KIAA1217: variants seen among roughly 807,000 people sequenced by gnomAD.
The protein encoded by KIAA1217 is sickle tail protein homolog.
In KIAA1217, 88 loss-of-function variants were observed where a neutral mutation model predicts 163.9. The observed-to-expected ratio is 0.54, with a 90% CI of 0.45 to 0.64. The LOEUF (loss-of-function observed/expected upper bound fraction) is 0.64, where lower values mean the gene tolerates loss of function less well. Ranked by LOEUF, KIAA1217 falls within the 30% of genes least tolerant of loss-of-function variation. The pLI, the probability that KIAA1217 is intolerant of heterozygous loss-of-function variation, is 0.00. For synonymous variants in KIAA1217, 903 were observed against 923.1 expected, an observed-to-expected ratio of 0.98 and a Z score of 0.39; for missense variants, 2,372 against 2,475.0, an observed-to-expected ratio of 0.96 and a Z score of 0.88.
At chr10:23,752,896 A>T (rs953660851) in intron 1 of KIAA1217, among the ~76,000 whole-genome samples, 1 of 152,180 alleles carries the variant, frequency 6.6e-6, no homozygotes, top group Admixed American at 6.5e-5. Flanking sequence ...AATTTATCAC[A>T]TTTAAGCTCT....
At chr10:23,901,309 T>G (rs1841945675) in intron 1 of KIAA1217, among the ~76,000 whole-genome samples, 1 of 152,102 alleles carries the variant, frequency 6.6e-6, no homozygotes, top group Non-Finnish European at 1.5e-5. Context: ...GTCTTAACCA[T>G]TTTTGTGTTA....
intron 20 of KIAA1217, chr10:24,545,604 A>C (rs2075652543): frequency 1.4e-6 from 2 of 1,382,202 alleles, no homozygotes; most frequent in South Asian, 3.8e-5. Context: ...CCTCTCACAA[A>C]TGTATTCTTC....
intron 1 of KIAA1217, among the ~76,000 whole-genome samples, chr10:23,830,953 T>C (rs962506777): frequency 2.6e-5 from 4 of 151,996 alleles, no homozygotes; most frequent in Non-Finnish European, 5.9e-5. Flanking sequence ...CCACAGGTAT[T>C]GAGTATGACA....
chr10:23,813,555 A>G (rs1319502530), intron 1 of KIAA1217, among the ~76,000 whole-genome samples: 1 of 152,154 alleles, frequency 6.6e-6, no homozygotes, highest in African/African-American at 2.4e-5. Flanking sequence ...AAATATTTGG[A>G]AAATATTTAT....
At chr10:23,979,062 C>T (rs1195860009) in intron 1 of KIAA1217, among the ~76,000 whole-genome samples, 1 of 152,164 alleles carries the variant, frequency 6.6e-6, no homozygotes, top group East Asian at 1.9e-4. Flanking sequence ...GTAAGGAATA[C>T]TGCAACTGAG....
chr10:24,207,280 T>TCACACA (rs1218257115), upstream of KIAA1217, among the ~76,000 whole-genome samples: 10 of 98,832 alleles, frequency 1.0e-4, no homozygotes, highest in African/African-American at 5.6e-4. Context: ...TCTCTCTCTC[T>TCACACA]CTCACACACA....
chr10:23,837,835 A>G lies in KIAA1217; in HGVS notation c.-321+142601A>G, dbSNP rs538914832. 1.1e-4 allele frequency among the ~76,000 whole-genome samples: 17 copies of G among 152,058 alleles called. No homozygotes were observed. The South Asian group carries it at 3.5e-3, about 32-fold the overall frequency. Reference sequence around the variant, plus strand: ...GGATTGCAGGCATAAGCCACCACATATGGCCAATTATTTTTAATGTACTGG... The same window carrying G: ...GGATTGCAGGCATAAGCCACCACATGTGGCCAATTATTTTTAATGTACTGG... On this transcript the variant is annotated intron_variant, in intron 1 of 18. Coordinates refer to the KIAA1217 transcript ENST00000376462.
chr10:24,315,940 A>G (rs55751498), intron 2 of KIAA1217, among the ~76,000 whole-genome samples: 12 of 139,996 alleles, frequency 8.6e-5, no homozygotes, highest in Non-Finnish European at 1.4e-4. Context: ...GGGGGGGGGG[A>G]ATCCAAGGAG....
At chr10:23,828,847 T>G (rs1838033222) in intron 1 of KIAA1217, among the ~76,000 whole-genome samples, 3 of 152,194 alleles carry the variant, frequency 2.0e-5, no homozygotes, top group Non-Finnish European at 4.4e-5. Flanking sequence ...GGAATGAGGC[T>G]TTTTCTTAAA....
Position 23,698,786 on chromosome 10 carries a change from A to G in KIAA1217, c.-321+3552A>G, listed in dbSNP as rs371048407. Among the ~76,000 whole-genome samples the G allele has an allele frequency of 4.0e-5, 6 of 151,088 alleles. No homozygotes were observed. The East Asian group carries it at 9.8e-4, about 25-fold the overall frequency. ...GGCAGTCTAACGGATCGGCTATCCT[A>G]TTTTTTTTTCCTTTTTGAGACAGGG... On this transcript the variant is annotated intron_variant, in intron 1 of 18. Transcript: ENST00000376462.
At chr10:24,445,921 G>C (rs1288788095) in intron 5 of KIAA1217, among the ~76,000 whole-genome samples, 1 of 152,098 alleles carries the variant, frequency 6.6e-6, no homozygotes, top group Non-Finnish European at 1.5e-5. Context: ...GGGTCAAATG[G>C]TATTTCTAGT....
chr10:23,956,118 T>G lies in KIAA1217; in HGVS notation c.-320-51107T>G, dbSNP rs535459608. ...TGAAGACAAATAACTCTCAAAGTTC[T>G]TTTTTTAGGTGAGTCCATAAGGGAG... On this transcript the variant is annotated intron_variant, in intron 1 of 18. Transcript: ENST00000376462. Among the ~76,000 whole-genome samples, 219 of 152,290 alleles carry G rather than the reference T, an allele frequency of 1.4e-3. 3 individuals are homozygous for G. Among genetic ancestry groups the G allele is most frequent in the African/African-American group, 4.9e-3 (203 of 41,570 alleles).
At chr10:24,100,956 G>A (rs2062390030) in intron 2 of KIAA1217, among the ~76,000 whole-genome samples, 1 of 152,200 alleles carries the variant, frequency 6.6e-6, no homozygotes, top group Admixed American at 6.5e-5. Flanking sequence ...AGGAACCTGG[G>A]ATAAATGTTT....
chr10:23,822,053 C>T (rs1430445159), intron 1 of KIAA1217, among the ~76,000 whole-genome samples: 6 of 152,172 alleles, frequency 3.9e-5, no homozygotes, highest in Non-Finnish European at 7.3e-5. Flanking sequence ...AGAGCGGGTG[C>T]AGGCACCACA....
intron 1 of KIAA1217, among the ~76,000 whole-genome samples, chr10:23,779,961 A>G (rs914347540): frequency 3.3e-5 from 5 of 152,214 alleles, no homozygotes; most frequent in Non-Finnish European, 7.3e-5. Context: ...GCAATAGGCC[A>G]TGCAATATAG....
intron 20 of KIAA1217, chr10:24,545,551 C>T: frequency 1.5e-6 from 2 of 1,338,608 alleles, no homozygotes; most frequent in Non-Finnish European, 1.9e-6. Flanking sequence ...GACGCATGGC[C>T]CACCTGGCAC....
chr10:24,118,347 T>G (rs1266719976), intron 2 of KIAA1217, among the ~76,000 whole-genome samples: 1 of 152,128 alleles, frequency 6.6e-6, no homozygotes. Flanking sequence ...CAGAGTTCTC[T>G]GTAGCGCAGA....
intron 5 of KIAA1217, among the ~76,000 whole-genome samples, chr10:24,449,941 T>C (rs1345188907): frequency 6.6e-6 from 1 of 152,250 alleles, no homozygotes. Context: ...CTCTTTGTTA[T>C]TGACATTATT....
intron 5 of KIAA1217, among the ~76,000 whole-genome samples, chr10:24,469,395 G>A (rs1440201325): frequency 2.0e-5 from 3 of 152,100 alleles, no homozygotes; most frequent in African/African-American, 7.2e-5. Context: ...AAAATGTTGG[G>A]ATTATAGGCG....
Sources: allele counts gnomAD v4.1 joint callset (sites outside exome capture counted in the v4.1 genomes callset), GRCh38; gene constraint gnomAD v4.1.1; transcripts MANE v1.5; gene names NCBI Gene and HGNC (gene_info 2026-07-23, HGNC 2026-07-21).